Variants in RBFOX1 observed in about 807,000 individuals in gnomAD.
The protein encoded by RBFOX1 is RNA binding fox-1 homolog 1.
Under a neutral mutation model 57.7 loss-of-function variants are expected in RBFOX1, and 8 were observed. The observed-to-expected ratio is 0.14, with a 90% CI of 0.08 to 0.25. RBFOX1 has a LOEUF of 0.25. RBFOX1 is among the 10% of genes least tolerant of loss of function. The pLI, the probability that RBFOX1 is intolerant of heterozygous loss-of-function variation, is 1.00. For missense variants in RBFOX1, 611 were observed against 548.5 expected, an observed-to-expected ratio of 1.11 and a Z score of -1.14; for synonymous variants, 326 against 222.4, an observed-to-expected ratio of 1.47 and a Z score of -4.15.
intron 3 of RBFOX1, among the ~76,000 whole-genome samples, chr16:5,644,785 A>C (rs1417716762): frequency 6.6e-6 from 1 of 152,236 alleles, no homozygotes; most frequent in Non-Finnish European, 1.5e-5. Flanking sequence ...GTATCCGTTT[A>C]TCAGCTGATG....
At chr16:7,439,662 A>T (rs913039118) in intron 4 of RBFOX1, among the ~76,000 whole-genome samples, 5 of 152,228 alleles carry the variant, frequency 3.3e-5, no homozygotes, top group African/African-American at 1.2e-4. Flanking sequence ...TGGATTAAAT[A>T]ACTGTTTTAA....
intron 1 of RBFOX1, among the ~76,000 whole-genome samples, chr16:5,267,444 C>T (rs1488521666): frequency 6.6e-6 from 1 of 152,064 alleles, no homozygotes; most frequent in African/African-American, 2.4e-5. Flanking sequence ...ACTACAGGTA[C>T]ACTCCACCAT....
intron 3 of RBFOX1, among the ~76,000 whole-genome samples, chr16:5,659,424 C>T (rs903344212): frequency 2.0e-5 from 3 of 151,728 alleles, no homozygotes; most frequent in Non-Finnish European, 1.5e-5. Flanking sequence ...CTGCCTCGGC[C>T]TCCTGAGTAG....
intron 4 of RBFOX1, among the ~76,000 whole-genome samples, chr16:7,468,472 T>C (rs1283153333): frequency 6.6e-6 from 1 of 151,818 alleles, no homozygotes; most frequent in East Asian, 1.9e-4. Context: ...TTTTTTTTTT[T>C]TTCCTGGTGA....
intron 3 of RBFOX1, among the ~76,000 whole-genome samples, chr16:5,667,926 C>G (rs2049897577): frequency 6.6e-6 from 1 of 152,130 alleles, no homozygotes; most frequent in African/African-American, 2.4e-5. Flanking sequence ...ACTGAGAGAT[C>G]TACCTGTAGA....
intron 3 of RBFOX1, among the ~76,000 whole-genome samples, chr16:7,006,028 T>G (rs2093269563): frequency 6.6e-6 from 1 of 152,186 alleles, no homozygotes; most frequent in Non-Finnish European, 1.5e-5. Context: ...ACTGAGATAC[T>G]CCGTGGTTCC....
chr16:6,277,346 A>C (rs1395030101), intron 1 of RBFOX1, among the ~76,000 whole-genome samples: 19 of 149,362 alleles, frequency 1.3e-4, no homozygotes, highest in East Asian at 2.0e-4. Flanking sequence ...CTGTAGTCCC[A>C]CCTACTCAGG....
intron 3 of RBFOX1, among the ~76,000 whole-genome samples, chr16:6,975,373 C>G (rs1486449648): frequency 6.6e-6 from 1 of 152,104 alleles, no homozygotes; most frequent in Non-Finnish European, 1.5e-5. Context: ...TCAAGCGATT[C>G]TCCTGCCTCA....
At chr16:6,221,686 C>T (rs1052640643) in intron 1 of RBFOX1, among the ~76,000 whole-genome samples, 1 of 152,122 alleles carries the variant, frequency 6.6e-6, no homozygotes, top group Non-Finnish European at 1.5e-5. Context: ...GCTGGGACAC[C>T]TCACAGTCAT....
chr16:7,074,782 A>G (rs1422046937), intron 4 of RBFOX1, among the ~76,000 whole-genome samples: 1 of 152,238 alleles, frequency 6.6e-6, no homozygotes, highest in East Asian at 1.9e-4. Context: ...ATTATAAAGA[A>G]ATGCTTAAAA....
At chr16:6,275,837 C>T (rs2075745890) in intron 1 of RBFOX1, among the ~76,000 whole-genome samples, 1 of 152,116 alleles carries the variant, frequency 6.6e-6, no homozygotes, top group African/African-American at 2.4e-5. Context: ...AAAGAAGGAA[C>T]AATATAATAA....
At chr16:6,605,025 C>T (rs901065816) in intron 2 of RBFOX1, among the ~76,000 whole-genome samples, 5 of 151,732 alleles carry the variant, frequency 3.3e-5, no homozygotes, top group Admixed American at 6.6e-5. Context: ...ATAGTGTGTG[C>T]ATATATATAA....
chr16:5,460,966 G>C (rs1457499472), intron 1 of RBFOX1, among the ~76,000 whole-genome samples: 1 of 152,172 alleles, frequency 6.6e-6, no homozygotes, highest in Non-Finnish European at 1.5e-5. Flanking sequence ...CAGATGTCAA[G>C]GTTGAAATTC....
chr16:5,480,278 A>T (rs2069482015), intron 2 of RBFOX1, among the ~76,000 whole-genome samples: 1 of 151,992 alleles, frequency 6.6e-6, no homozygotes, highest in Non-Finnish European at 1.5e-5. Flanking sequence ...TTTTCTCCTA[A>T]TCTCTCTCCA....
chr16:5,329,548 G>A (rs368133585), intron 1 of RBFOX1, among the ~76,000 whole-genome samples: 113 of 152,246 alleles, frequency 7.4e-4, no homozygotes, highest in African/African-American at 2.3e-3. Context: ...ACACAGACCC[G>A]AACCATATCA....
intron 2 of RBFOX1, among the ~76,000 whole-genome samples, chr16:6,529,342 C>A (rs1003338955): frequency 6.6e-6 from 1 of 152,040 alleles, no homozygotes; most frequent in Non-Finnish European, 1.5e-5. Flanking sequence ...GCAGGCAGAT[C>A]AAGTTCAGAA....
chr16:5,889,797 G>T (rs2058001574), intron 4 of RBFOX1, among the ~76,000 whole-genome samples: 1 of 152,206 alleles, frequency 6.6e-6, no homozygotes, highest in African/African-American at 2.4e-5. Context: ...GAGAGATGTA[G>T]GTGTTGGCAA....
intron 1 of RBFOX1, among the ~76,000 whole-genome samples, chr16:6,212,362 T>C (rs1168584221): frequency 1.3e-5 from 2 of 152,166 alleles, no homozygotes; most frequent in Non-Finnish European, 2.9e-5. Context: ...CTATACAATA[T>C]TTAAAATTAC....
intron 3 of RBFOX1, among the ~76,000 whole-genome samples, chr16:6,884,856 C>T (rs908194629): frequency 1.3e-5 from 2 of 152,176 alleles, no homozygotes; most frequent in Non-Finnish European, 2.9e-5. Flanking sequence ...CCAGAGTGCT[C>T]CACTGCACTC....
Sources: gnomAD v4.1 joint callset for allele counts (sites outside exome capture counted in the v4.1 genomes callset) on GRCh38, gnomAD v4.1.1 for gene constraint, MANE v1.5 for transcripts, NCBI Gene and HGNC (gene_info 2026-07-23, HGNC 2026-07-21) for gene names.